The following FOXN3 variants were observed in gnomAD, a reference collection of about 807,000 sequenced individuals.
The protein encoded by FOXN3 is forkhead box protein N3.
Under a neutral mutation model 38.4 loss-of-function variants are expected in FOXN3, and 7 were observed. The observed-to-expected ratio is 0.18, with a 90% CI of 0.10 to 0.34. FOXN3 has a LOEUF of 0.34. Ranked by LOEUF, FOXN3 falls within the 10% of genes least tolerant of loss-of-function variation. FOXN3 has a pLI of 1.00. For synonymous variants in FOXN3, 230 were observed against 242.2 expected (o/e 0.95, Z 0.47); for missense variants, 456 against 613.4 (o/e 0.74, Z 2.71).
At chr14:89,235,477 G>T (rs925613604) in intron 4 of FOXN3, among the ~76,000 whole-genome samples, 1 of 152,128 alleles carries the variant, frequency 6.6e-6, no homozygotes, top group African/African-American at 2.4e-5. Flanking sequence ...ACACCTGAAC[G>T]CCCAGCAGGT....
chr14:89,555,044 G>A (rs1895088028), intron 1 of FOXN3, among the ~76,000 whole-genome samples: 1 of 152,016 alleles, frequency 6.6e-6, no homozygotes, highest in Non-Finnish European at 1.5e-5. Flanking sequence ...ACCCACCTTG[G>A]CCTCCCAAAG....
At chr14:89,269,903 C>G (rs933278004) in intron 4 of FOXN3, among the ~76,000 whole-genome samples, 7 of 152,318 alleles carry the variant, frequency 4.6e-5, no homozygotes, top group Admixed American at 1.3e-4. Context: ...TATCCCCGAG[C>G]CTTGTCTTCA....
rs527599482 is a variant in FOXN3 at position 89,459,664 on chromosome 14, T to C, written c.-14-47174A>G. Among the ~76,000 whole-genome samples the C allele has an allele frequency of 3.7e-4, 57 of 152,276 alleles. No homozygotes were observed. The South Asian group carries it at 0.012, about 31-fold the overall frequency. Reference sequence around the variant, plus strand: ...CCCCAGAGAAGAGGCTGGGGGCAGATGGAAGCATACCCTTCCTCACTCCCT... The same window carrying C: ...CCCCAGAGAAGAGGCTGGGGGCAGACGGAAGCATACCCTTCCTCACTCCCT... On this transcript the variant is annotated intron_variant, in intron 1 of 6. Coordinates refer to the FOXN3 transcript ENST00000345097.
intron 3 of FOXN3, among the ~76,000 whole-genome samples, chr14:89,306,569 G>A (rs1566952108): frequency 6.6e-6 from 1 of 151,940 alleles, no homozygotes; most frequent in Non-Finnish European, 1.5e-5. Flanking sequence ...GGGTTTCACT[G>A]TGTTAGCCAG....
rs1045588088 is a variant in FOXN3 at position 89,433,869 on chromosome 14, A to T, written c.-14-21379T>A. Reference sequence around the variant, plus strand: ...TCATTAAATGGACAAACGTCTAAAAATACTGAAATATCCAGGGCAATGGTC... The same window carrying T: ...TCATTAAATGGACAAACGTCTAAAATTACTGAAATATCCAGGGCAATGGTC... On this transcript the variant is annotated intron_variant, in intron 1 of 6. Transcript: ENST00000345097. Among the ~76,000 whole-genome samples, 13 of 152,130 alleles carry T rather than the reference A, an allele frequency of 8.5e-5. 1 individual carries two copies. Among genetic ancestry groups the T allele is most frequent in the African/African-American group, 2.9e-4 (12 of 41,538 alleles).
intron 1 of FOXN3, among the ~76,000 whole-genome samples, chr14:89,413,983 AG>A (rs1478690482): frequency 1.3e-5 from 2 of 148,800 alleles, no homozygotes; most frequent in African/African-American, 5.0e-5. Flanking sequence ...GAGGAGGAGG[AG>A]GAGAAGAAGG....
chr14:89,221,916 G>A (rs999756935), intron 4 of FOXN3, among the ~76,000 whole-genome samples: 9 of 151,248 alleles, frequency 6.0e-5, no homozygotes, highest in South Asian at 4.2e-4. Context: ...TCCACCTCCC[G>A]GGTTCACGCC....
intron 1 of FOXN3, among the ~76,000 whole-genome samples, chr14:89,415,972 G>C (rs889192723): frequency 6.6e-6 from 1 of 151,500 alleles, no homozygotes; most frequent in African/African-American, 2.4e-5. Context: ...TTAGTTTCTC[G>C]CCTAGTAAAC....
intron 1 of FOXN3, among the ~76,000 whole-genome samples, chr14:89,471,816 G>A (rs962593668): frequency 6.6e-6 from 1 of 151,848 alleles, no homozygotes; most frequent in African/African-American, 2.4e-5. Context: ...ACAACTTTAG[G>A]AACCAGCACC....
At chr14:89,585,465 T>C (rs1364197492) in intron 1 of FOXN3, among the ~76,000 whole-genome samples, 1 of 152,240 alleles carries the variant, frequency 6.6e-6, no homozygotes, top group East Asian at 1.9e-4. Context: ...GAGAAATTCA[T>C]TCCCCCCAGA....
intron 4 of FOXN3, among the ~76,000 whole-genome samples, chr14:89,267,016 T>A (rs1489080222): frequency 1.3e-5 from 2 of 152,128 alleles, no homozygotes; most frequent in Non-Finnish European, 2.9e-5. Flanking sequence ...GGAAAAGTGA[T>A]GAAGCAGGAT....
rs571217094 is a variant in FOXN3, at chr14:89,257,882, T to G, written c.745+23068A>C. 3.9e-5 allele frequency among the ~76,000 whole-genome samples: 6 copies of G among 152,318 alleles called. No individual in the cohort carries two copies. In the South Asian group the frequency reaches 1.2e-3, roughly 32 times the overall value. The stretch of plus-strand genomic sequence containing the variant: ...TCAGAGCAATGCAAAGCGAGTGGCA[T>G]GGGTGCCTGTGAGCACTCTCTAAGG... On this transcript the variant is annotated intron_variant, in intron 4 of 5. Coordinates refer to ENST00000557258, the MANE Select transcript of FOXN3 (RefSeq NM_005197.4).
At chr14:89,525,131 G>C (rs894002991) in intron 1 of FOXN3, among the ~76,000 whole-genome samples, 2 of 152,114 alleles carry the variant, frequency 1.3e-5, no homozygotes, top group East Asian at 1.9e-4. Context: ...AATAGGGGCT[G>C]GGTAAAATAA....
rs1384175532 is a variant in FOXN3 at position 89,158,510 on chromosome 14, T to C, written c.*3904A>G. On this transcript the variant is annotated 3_prime_UTR_variant, in exon 6 of 6. Transcript: ENST00000557258. ...GGCCATGGTTTTCTCCAACCACCAG[T>C]GAAATATGGGTTTGGTTCATTTTAG... 1.3e-5 allele frequency: 2 copies of C among 152,620 alleles called. No individual in the cohort carries two copies. Among genetic ancestry groups the C allele is most frequent in the East Asian group, 3.8e-4 (2 of 5,200 alleles). 9.5% of individuals were successfully genotyped at this position (152,620 alleles called of 1,614,324 possible).
chr14:89,418,419 C>A (rs1228892337), upstream of FOXN3, among the ~76,000 whole-genome samples: 5 of 124,474 alleles, frequency 4.0e-5, no homozygotes, highest in African/African-American at 1.2e-4. Context: ...TAGACCCCCC[C>A]CCCCCAATCT....
chr14:89,248,439 C>T (rs1885358809), intron 4 of FOXN3, among the ~76,000 whole-genome samples: 1 of 152,120 alleles, frequency 6.6e-6, no homozygotes, highest in Admixed American at 6.6e-5. Flanking sequence ...CTCTCCCCAT[C>T]CCTGTCTACT....
chr14:89,369,107 C>T (rs537185546), intron 2 of FOXN3, among the ~76,000 whole-genome samples: 6 of 152,304 alleles, frequency 3.9e-5, no homozygotes, highest in South Asian at 2.1e-4. Flanking sequence ...AAGCTTGATG[C>T]GTTATCCAGG....
At chr14:89,399,884 T>C (rs2140086463) in intron 2 of FOXN3, 1 of 152,338 alleles carries the variant, frequency 6.6e-6, no homozygotes, top group African/African-American at 2.4e-5. Flanking sequence ...AACTGCTTAC[T>C]TTCCATATCA....
At chr14:89,283,621 G>C (rs1007929977) in intron 3 of FOXN3, among the ~76,000 whole-genome samples, 7 of 152,132 alleles carry the variant, frequency 4.6e-5, no homozygotes, top group Non-Finnish European at 1.0e-4. Context: ...CGGGGAGGGT[G>C]GGAGTGGCGG....
Sources: gnomAD v4.1 joint callset for allele counts (sites outside exome capture counted in the v4.1 genomes callset) on GRCh38, gnomAD v4.1.1 for gene constraint, MANE v1.5 for transcripts, NCBI Gene and HGNC (gene_info 2026-07-23, HGNC 2026-07-21) for gene names.